The following GHR variants were observed in gnomAD, a reference collection of about 807,000 sequenced individuals.
GHR encodes the protein GH receptor.
GHR carries 35 observed loss-of-function variants against 67.1 expected under a neutral mutation model. The ratio of observed to expected loss-of-function variants is 0.52; its 90% CI spans 0.40 to 0.69. The LOEUF (loss-of-function observed/expected upper bound fraction) is 0.69, where lower values mean the gene tolerates loss of function less well. Among genes scored for constraint, GHR ranks in the 30% least tolerant of loss-of-function variants. The probability of loss-of-function intolerance (pLI) is 0.00; values close to 1 mark genes in which losing one functional copy is unlikely to be tolerated. For missense variants in GHR, 792 were observed against 764.6 expected (o/e 1.04, Z -0.42); for synonymous variants, 272 against 269.1 (o/e 1.01, Z -0.10).
intron 2 of GHR, among the ~76,000 whole-genome samples, chr5:42,617,385 T>TAC (rs10581858): frequency 0.019 from 2,878 of 149,162 alleles, 51 homozygotes; most frequent in African/African-American, 0.041. Context: ...AAGTTCATTT[T>TAC]ACACACACAC....
In GHR at chr5:42,638,169, G is replaced by A. The variant is rs188462818; in HGVS notation, c.136+9066G>A. On this transcript the variant is annotated intron_variant, in intron 3 of 9. Coordinates refer to ENST00000230882, the MANE Select transcript of GHR (RefSeq NM_000163.5). ...TTGGTCAGGCTGGTCTCGAACTCCT[G>A]ACCTCGTGATCTGCCCCCCTCAGCA... is the stretch of plus-strand genomic sequence containing the variant. Among the ~76,000 whole-genome samples the A allele has an allele frequency of 2.0e-4, 30 of 151,248 alleles. No individual in the cohort carries two copies. The East Asian group carries it at 5.2e-3, about 26-fold the overall frequency.
At chr5:42,469,078 C>G (rs1453040926) in intron 1 of GHR, among the ~76,000 whole-genome samples, 1 of 152,146 alleles carries the variant, frequency 6.6e-6, no homozygotes, top group South Asian at 2.1e-4. Context: ...AAAGATAGTT[C>G]TAGATAATAC....
intron 1 of GHR, among the ~76,000 whole-genome samples, chr5:42,458,389 C>T (rs1235876485): frequency 6.6e-6 from 1 of 152,122 alleles, no homozygotes; most frequent in African/African-American, 2.4e-5. Context: ...AAAGGACTCT[C>T]TATTCAATAA....
intron 1 of GHR, among the ~76,000 whole-genome samples, chr5:42,559,695 G>A (rs916288594): frequency 2.6e-5 from 4 of 152,176 alleles, no homozygotes; most frequent in African/African-American, 4.8e-5. Flanking sequence ...TCTCCAAGAG[G>A]AGAGAAATCT....
At chr5:42,436,402 AGACCTG>A (rs1743325940) in intron 1 of GHR, among the ~76,000 whole-genome samples, 1 of 152,240 alleles carries the variant, frequency 6.6e-6, no homozygotes, top group Non-Finnish European at 1.5e-5. Context: ...AAACTACAGC[AGACCTG>A]GATGCATGGT....
intron 2 of GHR, among the ~76,000 whole-genome samples, chr5:42,588,551 A>AAAAAAAAAAAAAAAAAAAAAAAT (rs1751613744): frequency 7.0e-6 from 1 of 141,938 alleles, no homozygotes; most frequent in African/African-American, 2.6e-5. Context: ...AAAAAAAAAA[A>AAAAAAAAAAAAAAAAAAAAAAAT]GTGACCTATA....
intron 2 of GHR, among the ~76,000 whole-genome samples, chr5:42,601,385 T>A (rs1752370938): frequency 6.6e-6 from 1 of 152,086 alleles, no homozygotes; most frequent in African/African-American, 2.4e-5. Flanking sequence ...CTAGTATAAC[T>A]TTTTTGCTTT....
chr5:42,696,630 A>G (rs999444594), intron 5 of GHR, among the ~76,000 whole-genome samples: 2 of 152,172 alleles, frequency 1.3e-5, no homozygotes, highest in African/African-American at 2.4e-5. Flanking sequence ...GCAGTTAGGA[A>G]GCCCTCCTAG....
intron 2 of GHR, among the ~76,000 whole-genome samples, chr5:42,587,663 GTTTTTTTTGTT>G (rs1001933180): frequency 1.3e-5 from 2 of 150,814 alleles, no homozygotes; most frequent in African/African-American, 2.4e-5. Context: ...AAGATTTGGG[GTTTTTTTTGTT>G]TTTTTTTTGT....
At chr5:42,569,183 A>G (rs1326618062) in intron 2 of GHR, among the ~76,000 whole-genome samples, 1 of 152,238 alleles carries the variant, frequency 6.6e-6, no homozygotes, top group Non-Finnish European at 1.5e-5. Flanking sequence ...TAAAGCAACA[A>G]CATAAACAGA....
chr5:42,708,080 T>A (rs1276972479), intron 6 of GHR, among the ~76,000 whole-genome samples: 1 of 152,136 alleles, frequency 6.6e-6, no homozygotes, highest in Non-Finnish European at 1.5e-5. Context: ...ATAGGTCTGT[T>A]GGTGAGGAAT....
intron 5 of GHR, among the ~76,000 whole-genome samples, chr5:42,697,185 T>C (rs899123801): frequency 6.6e-6 from 1 of 152,214 alleles, no homozygotes; most frequent in African/African-American, 2.4e-5. Context: ...AGCCTCAGCT[T>C]CCTCATAAAA....
At chr5:42,503,079 A>T (rs1299450542) in intron 1 of GHR, among the ~76,000 whole-genome samples, 1 of 152,048 alleles carries the variant, frequency 6.6e-6, no homozygotes, top group Non-Finnish European at 1.5e-5. Flanking sequence ...TTAGTTTCTG[A>T]TTACCGGGGT....
rs896755221 is a variant in GHR at position 42,681,006 on chromosome 5, CCCTAGAAGAAAA to C, written c.137-7878_137-7867del. Among the ~76,000 whole-genome samples, 314 of 152,130 alleles carry C rather than the reference CCCTAGAAGAAAA, an allele frequency of 2.1e-3. 1 individual carries two copies. The highest frequency in any genetic ancestry group is 7.3e-3 in the African/African-American group (304 of 41,518). Reference sequence around the variant, plus strand: ...AATGTTAGGCCTAAAACCATAAAAACCCTAGAAGAAAACCTAGGCAATACCATTCAGGAAATA... The same window carrying C: ...AATGTTAGGCCTAAAACCATAAAAACCCTAGGCAATACCATTCAGGAAATA... On this transcript the variant is annotated intron_variant, in intron 3 of 9. Transcript: ENST00000230882.
chr5:42,460,836 G>A (rs114552042), intron 1 of GHR, among the ~76,000 whole-genome samples: 17 of 152,228 alleles, frequency 1.1e-4, no homozygotes, highest in African/African-American at 2.2e-4. Context: ...GTTATCTTTC[G>A]TTGTTAATCA....
At chr5:42,531,760 A>G (rs1441725977) in intron 1 of GHR, among the ~76,000 whole-genome samples, 3 of 152,174 alleles carry the variant, frequency 2.0e-5, no homozygotes, top group Non-Finnish European at 2.9e-5. Context: ...AGATTTCACA[A>G]TGGCCCAATG....
chr5:42,475,434 A>T (rs1003135720), intron 1 of GHR, among the ~76,000 whole-genome samples: 5 of 151,478 alleles, frequency 3.3e-5, no homozygotes. Context: ...TATTATGGTC[A>T]TTTTTTTTAT....
chr5:42,494,186 C>T (rs1286581619), intron 1 of GHR, among the ~76,000 whole-genome samples: 1 of 152,108 alleles, frequency 6.6e-6, no homozygotes, highest in African/African-American at 2.4e-5. Flanking sequence ...GGAACACCAG[C>T]TCCAAGATTG....
At chr5:42,522,819 T>C (rs143005157) in intron 1 of GHR, among the ~76,000 whole-genome samples, 182 of 152,320 alleles carry the variant, frequency 1.2e-3, no homozygotes, top group African/African-American at 4.0e-3. Context: ...TTACTTACCT[T>C]GTGGTGAGGT....
Sources: allele counts gnomAD v4.1 joint callset (sites outside exome capture counted in the v4.1 genomes callset), GRCh38; gene constraint gnomAD v4.1.1; transcripts MANE v1.5; gene names NCBI Gene and HGNC (gene_info 2026-07-23, HGNC 2026-07-21).